TASP1: variants seen among roughly 807,000 people sequenced by gnomAD.
TASP1 encodes the protein taspase 1.
A neutral mutation model predicts 56.6 loss-of-function variants in TASP1; 16 were observed. The ratio of observed to expected loss-of-function variants is 0.28; its 90% CI spans 0.19 to 0.43. The LOEUF (loss-of-function observed/expected upper bound fraction) is 0.43, where lower values mean the gene tolerates loss of function less well. TASP1 is among the 20% of genes least tolerant of loss of function. The pLI, the probability that TASP1 is intolerant of heterozygous loss-of-function variation, is 1.00. For missense variants in TASP1, 393 were observed against 511.6 expected (o/e 0.77, Z 2.24); for synonymous variants, 179 against 184.2 (o/e 0.97, Z 0.23).
intron 4 of TASP1, among the ~76,000 whole-genome samples, chr20:13,598,509 T>G (rs1244159510): frequency 6.6e-6 from 1 of 152,198 alleles, no homozygotes; most frequent in Non-Finnish European, 1.5e-5. Flanking sequence ...GATCCCTTCC[T>G]TACACCTTAT....
chr20:13,574,855 C>T (rs2046842653), intron 6 of TASP1, among the ~76,000 whole-genome samples: 1 of 151,910 alleles, frequency 6.6e-6, no homozygotes, highest in African/African-American at 2.4e-5. Flanking sequence ...TAAACTACTA[C>T]AAGAGGCTGA....
the TASP1 span, among the ~76,000 whole-genome samples, chr20:13,363,716 G>C: frequency 6.6e-6 from 1 of 152,230 alleles, no homozygotes. Context: ...CTAGGTCATA[G>C]TGTGAGAATT....
At chr20:13,310,062 A>G in the TASP1 span, among the ~76,000 whole-genome samples, 3 of 152,210 alleles carry the variant, frequency 2.0e-5, no homozygotes, top group Non-Finnish European at 2.9e-5. Context: ...AATTCTGATG[A>G]TATTTTTCAT....
At chr20:13,278,347 G>C in the TASP1 span, among the ~76,000 whole-genome samples, 2 of 152,194 alleles carry the variant, frequency 1.3e-5, no homozygotes, top group Admixed American at 6.5e-5. Context: ...TGAGGAGTGT[G>C]AAGGCTAGGA....
chr20:13,227,146 G>A, the TASP1 span, among the ~76,000 whole-genome samples: 1 of 151,912 alleles, frequency 6.6e-6, no homozygotes, highest in Non-Finnish European at 1.5e-5. Flanking sequence ...ATTTGTTTGG[G>A]TGTCTTTTCC....
the TASP1 span, among the ~76,000 whole-genome samples, chr20:13,260,643 G>T: frequency 1.3e-5 from 2 of 151,008 alleles, no homozygotes; most frequent in South Asian, 4.2e-4. Context: ...AATTTCTCCA[G>T]AACAAGTGTC....
At chr20:13,438,186 C>A (rs547446953) in intron 11 of TASP1, among the ~76,000 whole-genome samples, 1 of 152,076 alleles carries the variant, frequency 6.6e-6, no homozygotes, top group African/African-American at 2.4e-5. Flanking sequence ...AAAAGGAGCC[C>A]GCATTGCCAA....
At chr20:13,464,668 A>G (rs1397665102) in intron 11 of TASP1, among the ~76,000 whole-genome samples, 1 of 152,224 alleles carries the variant, frequency 6.6e-6, no homozygotes, top group Non-Finnish European at 1.5e-5. Flanking sequence ...CAAATACTAC[A>G]TGATTCCACT....
chr20:13,418,388 T>C (rs905890628), intron 12 of TASP1, among the ~76,000 whole-genome samples: 8 of 152,182 alleles, frequency 5.3e-5, no homozygotes, highest in African/African-American at 1.9e-4. Flanking sequence ...AGGGGTCAAC[T>C]TGAAGGGCTC....
At chr20:13,147,737 A>G in the TASP1 span, among the ~76,000 whole-genome samples, 2 of 152,216 alleles carry the variant, frequency 1.3e-5, no homozygotes. Flanking sequence ...CTCATTTTCC[A>G]AGCAATGCTG....
chr20:13,574,961 AAT>A (rs1456533100), intron 6 of TASP1, among the ~76,000 whole-genome samples: 2 of 152,136 alleles, frequency 1.3e-5, no homozygotes, highest in Non-Finnish European at 2.9e-5. Flanking sequence ...AAGTTGATGA[AAT>A]ATATATCCCC....
the TASP1 span, among the ~76,000 whole-genome samples, chr20:13,126,931 C>T: frequency 2.6e-5 from 4 of 152,218 alleles, no homozygotes; most frequent in African/African-American, 9.6e-5. Context: ...TTGTGAACAG[C>T]AAATTTCGAT....
the TASP1 span, among the ~76,000 whole-genome samples, chr20:13,207,254 G>A: frequency 2.6e-5 from 4 of 152,300 alleles, no homozygotes; most frequent in East Asian, 7.7e-4. Flanking sequence ...TTAGAACAGT[G>A]GCTGCCCCAG....
intron 1 of TASP1, among the ~76,000 whole-genome samples, chr20:13,636,070 C>A (rs1177865316): frequency 1.3e-5 from 2 of 150,124 alleles, no homozygotes; most frequent in Non-Finnish European, 3.0e-5. Context: ...ATCCATCTTA[C>A]AGCAAAGGGC....
chr20:13,232,390 G>A, the TASP1 span, among the ~76,000 whole-genome samples: 1 of 152,196 alleles, frequency 6.6e-6, no homozygotes, highest in Non-Finnish European at 1.5e-5. Context: ...TTTTATATAA[G>A]TGGAATACAG....
chr20:13,510,174 T>G (rs2044276150), intron 10 of TASP1, among the ~76,000 whole-genome samples: 1 of 152,086 alleles, frequency 6.6e-6, no homozygotes, highest in Non-Finnish European at 1.5e-5. Context: ...TGAGGCTAAA[T>G]GAGCACATAT....
chr20:13,557,335 C>A (rs969649333), intron 8 of TASP1, among the ~76,000 whole-genome samples: 1 of 152,012 alleles, frequency 6.6e-6, no homozygotes, highest in African/African-American at 2.4e-5. Context: ...AGAAGCCAAA[C>A]AGAAAAGAGT....
At chr20:13,597,467 C>T (rs527671877) in intron 4 of TASP1, among the ~76,000 whole-genome samples, 48 of 152,162 alleles carry the variant, frequency 3.2e-4, no homozygotes, top group Middle Eastern at 3.4e-3. Flanking sequence ...AAAAGGCCTT[C>T]GACAAAATTC....
At chr20:13,124,633 C>T in the TASP1 span, among the ~76,000 whole-genome samples, 1 of 152,062 alleles carries the variant, frequency 6.6e-6, no homozygotes, top group East Asian at 1.9e-4. Context: ...AGAACACATC[C>T]CTTGGTTCCC....
Sources: gnomAD v4.1 joint callset for allele counts (sites outside exome capture counted in the v4.1 genomes callset) on GRCh38, gnomAD v4.1.1 for gene constraint, MANE v1.5 for transcripts, NCBI Gene and HGNC (gene_info 2026-07-23, HGNC 2026-07-21) for gene names.